GPM6A: variants seen among roughly 807,000 people sequenced by gnomAD.
GPM6A encodes neuronal membrane glycoprotein M6-a.
GPM6A carries 7 observed loss-of-function variants against 32.1 expected under a neutral mutation model. The observed-to-expected ratio is 0.22, with a 90% confidence interval of 0.12 to 0.41. The LOEUF is 0.41. Ranked by LOEUF, GPM6A falls within the 10% of genes least tolerant of loss-of-function variation. GPM6A has a pLI of 1.00. For synonymous variants in GPM6A, 130 were observed against 123.4 expected (o/e 1.05, Z -0.35); for missense variants, 235 against 347.2 (o/e 0.68, Z 2.57).
chr4:175,637,673 TAA>T (rs1491545601), intron 6 of GPM6A, among the ~76,000 whole-genome samples: 1 of 4,296 alleles, frequency 2.3e-4, no homozygotes, highest in Non-Finnish European at 2.0e-3. Context: ...ATAATATATA[TAA>T]TATATATATA....
chr4:175,918,989 C>A (rs1217890949), intron 1 of GPM6A, among the ~76,000 whole-genome samples: 1 of 151,762 alleles, frequency 6.6e-6, no homozygotes, highest in African/African-American at 2.4e-5. Flanking sequence ...GTTTTATAGT[C>A]TTATATTTTG....
intron 1 of GPM6A, among the ~76,000 whole-genome samples, chr4:175,790,796 A>T (rs936339513): frequency 2.0e-5 from 3 of 152,226 alleles, no homozygotes; most frequent in African/African-American, 7.2e-5. Flanking sequence ...TGATGAAATT[A>T]TCTATTCATT....
rs556127651 is a variant in GPM6A, at chr4:175,990,864, T to C, written c.-23+11445A>G. ...GGGATTTCTCTTAAGGTAACTGCTG[T>C]GAAATGAATGAAATTATTTAATAAC... is the stretch of plus-strand genomic sequence containing the variant. On this transcript the variant is annotated intron_variant, in intron 1 of 7. Transcript: ENST00000280187. Among the ~76,000 whole-genome samples, 4 of 152,244 alleles carry C rather than the reference T, an allele frequency of 2.6e-5. No individual in the cohort carries two copies. In the South Asian group the frequency reaches 8.3e-4, roughly 32 times the overall value.
At chr4:175,959,830 G>A (rs1740110769) in intron 1 of GPM6A, among the ~76,000 whole-genome samples, 2 of 151,994 alleles carry the variant, frequency 1.3e-5, no homozygotes, top group South Asian at 2.1e-4. Context: ...AAATAGAGGA[G>A]GGCTGAAAAT....
intron 1 of GPM6A, among the ~76,000 whole-genome samples, chr4:175,833,541 G>T (rs899614179): frequency 1.3e-5 from 2 of 152,124 alleles, no homozygotes; most frequent in African/African-American, 4.8e-5. Context: ...ATAAGGCAAG[G>T]TATAAACATG....
At chr4:175,645,022 C>A (rs189365492) in intron 4 of GPM6A, among the ~76,000 whole-genome samples, 31 of 152,196 alleles carry the variant, frequency 2.0e-4, no homozygotes, top group Middle Eastern at 3.4e-3. Flanking sequence ...ATCGCTTGAA[C>A]CCGGGAGGTG....
intron 1 of GPM6A, among the ~76,000 whole-genome samples, chr4:175,916,747 A>T (rs1247583700): frequency 6.6e-6 from 1 of 152,154 alleles, no homozygotes; most frequent in Non-Finnish European, 1.5e-5. Flanking sequence ...ACATAGTTTC[A>T]AGCTTTACTA....
rs1251506023 is a variant in GPM6A at position 175,703,234 on chromosome 4, C to T, written c.38-1467G>A. Among the ~76,000 whole-genome samples, 13 of 152,142 alleles carry T rather than the reference C, an allele frequency of 8.5e-5. 1 individual carries two copies. Among genetic ancestry groups the T allele is most frequent in the South Asian group, 4.2e-4 (2 of 4,814 alleles). ...TCACCCAGGCTGGACTACAGTAGTG[C>T]GATCTCGGCTCACTGCAACCTCTGC... is the stretch of plus-strand genomic sequence containing the variant. On this transcript the variant is annotated intron_variant, in intron 1 of 6. Coordinates refer to ENST00000393658, the MANE Select transcript of GPM6A (RefSeq NM_201591.3).
At chr4:175,960,578 G>A (rs1305292625) in intron 1 of GPM6A, among the ~76,000 whole-genome samples, 1 of 152,120 alleles carries the variant, frequency 6.6e-6, no homozygotes. Context: ...TTATCCTGAT[G>A]TCTCCGCCAT....
At chr4:175,855,928 G>A (rs1021575793) in intron 1 of GPM6A, among the ~76,000 whole-genome samples, 4 of 152,196 alleles carry the variant, frequency 2.6e-5, no homozygotes, top group African/African-American at 9.6e-5. Context: ...GCAAACAGGA[G>A]CACGTAAGAG....
chr4:175,678,336 T>C (rs1160445233), intron 2 of GPM6A, among the ~76,000 whole-genome samples: 1 of 152,172 alleles, frequency 6.6e-6, no homozygotes, highest in Non-Finnish European at 1.5e-5. Context: ...AACAAATTGT[T>C]GTTTATTTCA....
chr4:175,720,378 A>G (rs1746054616), intron 1 of GPM6A, among the ~76,000 whole-genome samples: 1 of 152,132 alleles, frequency 6.6e-6, no homozygotes, highest in South Asian at 2.1e-4. Context: ...CCTATCAGTC[A>G]CCTCTGGTGA....
At chr4:175,936,460 A>G (rs899068803) in intron 1 of GPM6A, among the ~76,000 whole-genome samples, 1 of 152,014 alleles carries the variant, frequency 6.6e-6, no homozygotes, top group Non-Finnish European at 1.5e-5. Context: ...CCTTTAGCCC[A>G]CTAGAACATA....
At chr4:175,653,310 C>T (rs1341627526) in intron 3 of GPM6A, among the ~76,000 whole-genome samples, 1 of 152,020 alleles carries the variant, frequency 6.6e-6, no homozygotes, top group African/African-American at 2.4e-5. Context: ...TATTAAATAG[C>T]AGTTACTAAA....
chr4:175,758,077 C>T (rs778237418), intron 1 of GPM6A, among the ~76,000 whole-genome samples: 4 of 152,118 alleles, frequency 2.6e-5, no homozygotes, highest in South Asian at 2.1e-4. Context: ...AAGGCCTCTG[C>T]CAGTTGTGGC....
At chr4:175,988,595 G>C (rs927482474) in intron 1 of GPM6A, among the ~76,000 whole-genome samples, 2 of 152,152 alleles carry the variant, frequency 1.3e-5, no homozygotes, top group African/African-American at 4.8e-5. Context: ...CCACTGAAAA[G>C]GAACTGGCTA....
intron 1 of GPM6A, among the ~76,000 whole-genome samples, chr4:175,892,831 C>T (rs1737687085): frequency 6.6e-6 from 1 of 152,214 alleles, no homozygotes; most frequent in East Asian, 1.9e-4. Context: ...CAGATTTTTA[C>T]CTATATTGTT....
intron 1 of GPM6A, among the ~76,000 whole-genome samples, chr4:175,948,532 G>C (rs1258512106): frequency 6.6e-6 from 1 of 152,266 alleles, no homozygotes; most frequent in East Asian, 1.9e-4. Context: ...TCCAAACTAA[G>C]ATGCCACATC....
chr4:175,856,735 G>A (rs967825627), intron 1 of GPM6A, among the ~76,000 whole-genome samples: 4 of 152,084 alleles, frequency 2.6e-5, no homozygotes, highest in Admixed American at 6.6e-5. Context: ...GATAATCTTC[G>A]CCTGGAGTTC....
Sources: gnomAD v4.1 joint callset for allele counts (sites outside exome capture counted in the v4.1 genomes callset) on GRCh38, gnomAD v4.1.1 for gene constraint, MANE v1.5 for transcripts, NCBI Gene and HGNC (gene_info 2026-07-23, HGNC 2026-07-21) for gene names.